Variants in DNPEP observed in about 807,000 individuals in gnomAD.
The protein encoded by DNPEP is aspartyl aminopeptidase.
DNPEP carries 46 observed loss-of-function variants against 59.1 expected under a neutral mutation model. That is an observed-to-expected ratio of 0.78 (90% CI 0.61 to 0.99). The LOEUF is 0.99. Ranked by LOEUF, DNPEP falls within the 50% of genes least tolerant of loss-of-function variation. The probability of loss-of-function intolerance (pLI) is 0.00; values close to 1 mark genes in which losing one functional copy is unlikely to be tolerated. For synonymous variants in DNPEP, 229 were observed against 242.2 expected, an observed-to-expected ratio of 0.95 and a Z score of 0.50; for missense variants, 617 against 649.9, an observed-to-expected ratio of 0.95 and a Z score of 0.55.
intron 1 of DNPEP, 99 bp downstream of exon 1, chr2:219,387,660 A>G: frequency 1.9e-6 from 3 of 1,568,806 alleles, no homozygotes; most frequent in Non-Finnish European, 2.6e-6. Context: ...GCTTTGGGTC[A>G]GGCGGCCCCA....
chr2:219,372,168 TAC>T lies in DNPEP; in HGVS notation c.*2122_*2123del. On this transcript the variant is annotated 3_prime_UTR_variant, in exon 15 of 15. Transcript: ENST00000273075. Reference sequence around the variant, plus strand: ...ACTGTACGCCAATTGTAAGAGTAAATACAGTGTGAGGGTAAAATTTTTTACAT... The same window carrying T: ...ACTGTACGCCAATTGTAAGAGTAAATAGTGTGAGGGTAAAATTTTTTACAT... 6.6e-6 allele frequency among the ~76,000 whole-genome samples: 1 copy of T among 152,070 alleles called. No homozygotes were observed. The highest frequency in any genetic ancestry group is 1.5e-5 in the Non-Finnish European group (1 of 68,012).
chr2:219,392,345 C>CTT (rs1321818734), upstream of DNPEP, among the ~76,000 whole-genome samples: 21 of 142,676 alleles, frequency 1.5e-4, no homozygotes, highest in East Asian at 1.0e-3. Flanking sequence ...ATACATATGT[C>CTT]TTTTTTTTTT....
intron 1 of DNPEP, among the ~76,000 whole-genome samples, chr2:219,395,181 C>T (rs537469328): frequency 1.8e-3 from 269 of 152,262 alleles, no homozygotes; most frequent in Non-Finnish European, 2.9e-3. Context: ...CTCCTGACCT[C>T]AAGCAATCTG....
In DNPEP at chr2:219,374,223, G is replaced by T; in HGVS notation, c.*69C>A. 2 of 1,416,710 alleles carry T rather than the reference G, an allele frequency of 1.4e-6. No individual in the cohort carries two copies. 87.8% of individuals were successfully genotyped at this position (1,416,710 alleles called of 1,614,324 possible). ...AGTGACAATCCACTTTAATAATCCA[G>T]CTTCAGCTCAGCTGAGAACTTCCCC... On this transcript the variant is annotated 3_prime_UTR_variant, in exon 15 of 15. Transcript: ENST00000273075.
chr2:219,374,829 C>T lies in DNPEP; in HGVS notation c.1407+26G>A, dbSNP rs368253446. ...ACTAGAGGGGAAGCAGCCCAGCTGCCAGAGAGGGTCTGGGGTGGGTGTTAC... is the reference window on the plus strand; with the variant it reads ...ACTAGAGGGGAAGCAGCCCAGCTGCTAGAGAGGGTCTGGGGTGGGTGTTAC... On this transcript the variant is annotated intron_variant, in intron 14 of 14. Transcript: ENST00000273075. 13 of 1,602,912 alleles carry T rather than the reference C, an allele frequency of 8.1e-6. No individual in the cohort carries two copies. The African/African-American group carries it at 1.6e-4, about 20-fold the overall frequency.
At chr2:219,381,620 A>G in intron 11 of DNPEP, 36 bp from the exon 12 acceptor site, 1 of 1,611,172 alleles carries the variant, frequency 6.2e-7, no homozygotes, top group Non-Finnish European at 8.5e-7. Flanking sequence ...CATAGCAAAC[A>G]GGAGCAGGCC....
intron 13 of DNPEP, among the ~76,000 whole-genome samples, chr2:219,377,661 T>C (rs1953428027): frequency 6.6e-6 from 1 of 152,228 alleles, no homozygotes; most frequent in African/African-American, 2.4e-5. Flanking sequence ...TGGTGGCTCA[T>C]GCCTGTAATC....
In DNPEP at chr2:219,373,133, A is replaced by T. The variant is rs1230098942; in HGVS notation, c.*1159T>A. 6.6e-6 allele frequency among the ~76,000 whole-genome samples: 1 copy of T among 150,906 alleles called. No individual in the cohort carries two copies. Among genetic ancestry groups the T allele is most frequent in the Non-Finnish European group, 1.5e-5 (1 of 67,862 alleles). On this transcript the variant is annotated 3_prime_UTR_variant, in exon 15 of 15. Transcript: ENST00000273075. ...GCCCAGGCTAGAGTGCAATGGCAGG[A>T]TCTTGGCTCACCACAACCTCCGCCT... is the stretch of plus-strand genomic sequence containing the variant.
intron 11 of DNPEP, 126 bp from the exon 12 acceptor site, chr2:219,381,710 G>A: frequency 1.7e-6 from 2 of 1,146,710 alleles, no homozygotes; most frequent in East Asian, 2.4e-5. Flanking sequence ...TGGGACTTCA[G>A]AGTCATTCCA....
chr2:219,385,377 G>A, intron 8 of DNPEP, 47 bp downstream of exon 8: 1 of 1,398,568 alleles, frequency 7.2e-7, no homozygotes, highest in Admixed American at 1.7e-5. Flanking sequence ...GGGGTGGCCA[G>A]GATCCTGGAG....
At chr2:219,397,111 T>G (rs987411499) in intron 1 of DNPEP, among the ~76,000 whole-genome samples, 1 of 152,166 alleles carries the variant, frequency 6.6e-6, no homozygotes, top group African/African-American at 2.4e-5. Context: ...GTTATGAGCG[T>G]GGGCTCAGGA....
chr2:219,385,203 G>A, intron 8 of DNPEP: 2 of 498,216 alleles, frequency 4.0e-6, no homozygotes, highest in South Asian at 3.3e-5. Context: ...CTGTAAAAAG[G>A]GCCAATTCCC....
chr2:219,396,325 C>T (rs2125153766), intron 1 of DNPEP, among the ~76,000 whole-genome samples: 1 of 152,282 alleles, frequency 6.6e-6, no homozygotes, highest in African/African-American at 2.4e-5. Context: ...GGGTGGCTTA[C>T]ACCTCTAATC....
chr2:219,373,954 C>T lies in DNPEP; in HGVS notation c.*338G>A, dbSNP rs1365404859. 3.4e-6 allele frequency: 1 copy of T among 296,170 alleles called. No individual in the cohort carries two copies. The allele number at this position is 296,170 out of a possible 1,614,324, so 18.3% of individuals were successfully genotyped here. A position where few individuals can be genotyped will look rare whatever the true frequency, so the allele number is the denominator to read the frequency against. On this transcript the variant is annotated 3_prime_UTR_variant, in exon 15 of 15. Transcript: ENST00000273075. ...TGGAAAGAGGGAAGACCGTTGAGGC[C>T]ATTTCCCAGGTGGAGGACTAGGGGT...
upstream of DNPEP, chr2:219,388,445 C>G (rs1393205706): frequency 1.3e-5 from 2 of 152,376 alleles, no homozygotes; most frequent in East Asian, 3.9e-4. Context: ...CCCCGCCCCT[C>G]GCTAGGCTGC....
chr2:219,383,178 C>T lies in DNPEP; in HGVS notation c.889G>A (p.Ala297Thr). 1 of 1,614,188 alleles carries T rather than the reference C, an allele frequency of 6.2e-7. No individual in the cohort carries two copies. ...IDSCAGPGSLATEPHVRMVTL... is the reference protein window; with the variant it reads ...IDSCAGPGSLTTEPHVRMVTL... ...ACCATGCGCACGTGAGGCTCTGTGG[C>T]CAGGGAGCCAGGGCCTGCACAGGAA... Residue 297 changes from alanine to threonine, a missense_variant, in exon 10 of 15, where the codon GCC becomes ACC. By Grantham distance (58) the Ala-to-Thr change is moderately conservative. Transcript: ENST00000273075.
Position 219,387,789 on chromosome 2 carries a change from G to C in DNPEP, c.6C>G (p.Ser2Arg), listed in dbSNP as rs538330520. The C allele has an allele frequency of 5.1e-5, 82 of 1,597,382 alleles. 1 individual carries two copies. The South Asian group carries it at 8.5e-4, about 17-fold the overall frequency. M[S>R]GHSPTRGAMQ... ...TGGCCCCGCGCGTGGGGCTGTGTCC[G>C]CTCATCTGGCCTCCGGGCTCGGCCC... Residue 2 changes from serine to arginine, a missense_variant, in exon 1 of 15, where the codon AGC becomes AGG. Coordinates refer to ENST00000273075, the MANE Select transcript of DNPEP (RefSeq NM_012100.4).
chr2:219,375,382 TTATATTATGGTAAAAAAA>T (rs1389746166), intron 13 of DNPEP, among the ~76,000 whole-genome samples: 2 of 152,108 alleles, frequency 1.3e-5, no homozygotes, highest in Non-Finnish European at 1.5e-5. Context: ...ATGATTTTCT[TTATATTATGGTAAAAAAA>T]TAAGAAAATG....
intron 14 of DNPEP, 139 bp from the exon 15 acceptor site, chr2:219,374,481 C>T: frequency 1.3e-6 from 1 of 770,250 alleles, no homozygotes; most frequent in Non-Finnish European, 2.2e-6. Flanking sequence ...CCCCAGTCTT[C>T]TCAGCCCTGA....
Sources: allele counts gnomAD v4.1 joint callset (sites outside exome capture counted in the v4.1 genomes callset), GRCh38; gene constraint gnomAD v4.1.1; transcripts MANE v1.5; gene names NCBI Gene and HGNC (gene_info 2026-07-23, HGNC 2026-07-21).